Variants in ANKRD11 observed in about 807,000 individuals in gnomAD.
The protein encoded by ANKRD11 is ankyrin repeat domain 11.
In ANKRD11, 17 loss-of-function variants were observed where a neutral mutation model predicts 195.7. The ratio of observed to expected loss-of-function variants is 0.09; its 90% confidence interval spans 0.06 to 0.13. The LOEUF (loss-of-function observed/expected upper bound fraction) is 0.13. Among genes scored for constraint, ANKRD11 ranks in the 10% least tolerant of loss-of-function variants. The probability of loss-of-function intolerance (pLI) is 1.00; values close to 1 mark genes in which losing one functional copy is unlikely to be tolerated. For missense variants in ANKRD11, 3,735 were observed against 3,566.1 expected, an observed-to-expected ratio of 1.05 and a Z score of -1.21; for synonymous variants, 1,953 against 1,528.1, an observed-to-expected ratio of 1.28 and a Z score of -6.49.
At chr16:89,304,587 CAT>C (rs1362325959) in intron 4 of ANKRD11, among the ~76,000 whole-genome samples, 1 of 150,088 alleles carries the variant, frequency 6.7e-6, no homozygotes, top group African/African-American at 2.5e-5. Flanking sequence ...CATACAAGTA[CAT>C]ACACACACGG....
chr16:89,406,821 G>C (rs559066402), intron 2 of ANKRD11, among the ~76,000 whole-genome samples: 2 of 152,332 alleles, frequency 1.3e-5, no homozygotes, highest in South Asian at 4.1e-4. Flanking sequence ...GGAGGCAGCA[G>C]AAAGGACAGC....
intron 1 of ANKRD11, among the ~76,000 whole-genome samples, chr16:89,484,020 T>C (rs1416492594): frequency 1.3e-5 from 2 of 152,060 alleles, no homozygotes; most frequent in Admixed American, 6.6e-5. Flanking sequence ...CCGAATCAAC[T>C]GTGGGGCTGT....
At chr16:89,333,132 G>A (rs1394297902) in intron 2 of ANKRD11, among the ~76,000 whole-genome samples, 1 of 152,236 alleles carries the variant, frequency 6.6e-6, no homozygotes, top group Non-Finnish European at 1.5e-5. Context: ...GCTCAACAAT[G>A]CTCTGGGAAC....
At chr16:89,377,172 C>G (rs2040457472) in intron 2 of ANKRD11, among the ~76,000 whole-genome samples, 1 of 152,118 alleles carries the variant, frequency 6.6e-6, no homozygotes, top group Admixed American at 6.5e-5. Context: ...CTTCCTGTCC[C>G]CAAACACAGC....
At chr16:89,413,636 T>TA (rs1436455668) in intron 2 of ANKRD11, among the ~76,000 whole-genome samples, 1 of 151,652 alleles carries the variant, frequency 6.6e-6, no homozygotes, top group East Asian at 1.9e-4. Flanking sequence ...AAGAAAAAAA[T>TA]AAAGGAAATG....
intron 1 of ANKRD11, among the ~76,000 whole-genome samples, chr16:89,434,793 G>A (rs1345357392): frequency 2.6e-5 from 4 of 152,240 alleles, no homozygotes; most frequent in Non-Finnish European, 4.4e-5. Flanking sequence ...AACAAAGACA[G>A]GAAAGCACTG....
intron 12 of ANKRD11, 53 bp downstream of exon 12, chr16:89,270,764 G>C (rs1482443824): frequency 5.0e-6 from 8 of 1,584,490 alleles, no homozygotes; most frequent in Non-Finnish European, 6.9e-6. Context: ...ACCCATCACA[G>C]AACTGGGCAG....
intron 4 of ANKRD11, chr16:89,301,618 C>T (rs968966366): frequency 5.3e-5 from 21 of 398,594 alleles, no homozygotes; most frequent in Non-Finnish European, 7.5e-5. Flanking sequence ...GGTCCTAGGA[C>T]GGGCTCTTGC....
chr16:89,426,204 C>CA (rs200828544), intron 1 of ANKRD11, among the ~76,000 whole-genome samples: 178 of 151,458 alleles, frequency 1.2e-3, no homozygotes, highest in East Asian at 2.5e-3. Context: ...ACAGCTATAA[C>CA]AAAAAAAACA....
At chr16:89,437,538 CAAACAGTCCTCCAG>C (rs1183689212) in intron 1 of ANKRD11, among the ~76,000 whole-genome samples, 2 of 152,166 alleles carry the variant, frequency 1.3e-5, no homozygotes, top group African/African-American at 4.8e-5. Context: ...CTCCCCTGAG[CAAACAGTCCTCCAG>C]AGACAGTCCT....
At chr16:89,341,680 C>T (rs1597714015) in intron 2 of ANKRD11, among the ~76,000 whole-genome samples, 1 of 152,250 alleles carries the variant, frequency 6.6e-6, no homozygotes, top group Non-Finnish European at 1.5e-5. Context: ...TGGCTTTAAT[C>T]CCCTCACACA....
intron 2 of ANKRD11, among the ~76,000 whole-genome samples, chr16:89,382,365 A>T (rs917430206): frequency 6.6e-6 from 1 of 152,016 alleles, no homozygotes; most frequent in Non-Finnish European, 1.5e-5. Context: ...TCGTTCTGTC[A>T]CCCAGGCTGG....
intron 9 of ANKRD11, 123 bp downstream of exon 9, chr16:89,278,949 C>T: frequency 6.9e-7 from 1 of 1,457,724 alleles, no homozygotes; most frequent in Non-Finnish European, 9.4e-7. Flanking sequence ...CCTCAGGTGG[C>T]AGAAGGTCGA....
intron 1 of ANKRD11, among the ~76,000 whole-genome samples, chr16:89,460,504 A>G (rs2152331407): frequency 6.6e-6 from 1 of 152,296 alleles, no homozygotes; most frequent in East Asian, 1.9e-4. Flanking sequence ...GGATGCAGTG[A>G]GCCAAGATAG....
chr16:89,341,842 G>A (rs540760368), intron 2 of ANKRD11, among the ~76,000 whole-genome samples: 12 of 150,878 alleles, frequency 8.0e-5, no homozygotes, highest in African/African-American at 2.7e-4. Context: ...GCCCACGGCG[G>A]GAGTGCTGCA....
chr16:89,306,006 G>A (rs1230379116), intron 3 of ANKRD11, among the ~76,000 whole-genome samples: 1 of 5,286 alleles, frequency 1.9e-4, no homozygotes, highest in South Asian at 0.014. Flanking sequence ...CTCCCACTCC[G>A]CAGACACGCG....
intron 1 of ANKRD11, among the ~76,000 whole-genome samples, chr16:89,454,002 G>C (rs2056315005): frequency 6.6e-6 from 1 of 152,158 alleles, no homozygotes; most frequent in Admixed American, 6.5e-5. Context: ...TGTCTGAGTG[G>C]ACCTACATGG....
chr16:89,334,859 A>G (rs1597688386), intron 2 of ANKRD11, among the ~76,000 whole-genome samples: 1 of 152,190 alleles, frequency 6.6e-6, no homozygotes, highest in Non-Finnish European at 1.5e-5. Flanking sequence ...TAGACAGCAC[A>G]CTGGATTCGA....
At chr16:89,320,086 C>G (rs2037213059) in intron 2 of ANKRD11, 1 of 152,338 alleles carries the variant, frequency 6.6e-6, no homozygotes, top group Non-Finnish European at 1.5e-5. Flanking sequence ...CCAACAGGCT[C>G]TGCTGACTCA....
Sources: gnomAD v4.1 joint callset for allele counts (sites outside exome capture counted in the v4.1 genomes callset) on GRCh38, gnomAD v4.1.1 for gene constraint, MANE v1.5 for transcripts, NCBI Gene and HGNC (gene_info 2026-07-23, HGNC 2026-07-21) for gene names.